BTF3L4: variants seen among roughly 807,000 people sequenced by gnomAD.
BTF3L4 encodes the protein basic transcription factor 3 like 4, also known as transcription factor BTF3 homolog 4.
Under a neutral mutation model 16.8 loss-of-function variants are expected in BTF3L4, and 6 were observed. The observed-to-expected ratio is 0.36, with a 90% CI of 0.20 to 0.71. BTF3L4 has a LOEUF of 0.71. BTF3L4 is among the 30% of genes least tolerant of loss of function. The pLI, the probability that BTF3L4 is intolerant of heterozygous loss-of-function variation, is 0.58. For synonymous variants in BTF3L4, 39 were observed against 59.8 expected (o/e 0.65, Z 1.60); for missense variants, 92 against 186.9 (o/e 0.49, Z 2.96).
chr1:52,059,454 A>G (rs1035266715), intron 1 of BTF3L4, among the ~76,000 whole-genome samples: 1 of 152,218 alleles, frequency 6.6e-6, no homozygotes, highest in African/African-American at 2.4e-5. Context: ...ACATTTGGTA[A>G]CAGCTCTCTG....
At chr1:52,058,202 T>A (rs1334314801) in intron 1 of BTF3L4, among the ~76,000 whole-genome samples, 1 of 152,228 alleles carries the variant, frequency 6.6e-6, no homozygotes, top group East Asian at 1.9e-4. Context: ...TGGCACACAT[T>A]TAAGACTTCT....
rs1279322412 is a variant in BTF3L4, at chr1:52,087,317, G to A, written c.*559G>A. On this transcript the variant is annotated 3_prime_UTR_variant, in exon 6 of 6. Coordinates refer to ENST00000313334, the MANE Select transcript of BTF3L4 (RefSeq NM_152265.5). ...CTTCTCTGGATTTAAAATATCTTGA[G>A]GTATTTTGCCACTGGCTTCATGCTG... is the stretch of plus-strand genomic sequence containing the variant. 1.3e-5 allele frequency: 2 copies of A among 152,322 alleles called. No homozygotes were observed. The highest frequency in any genetic ancestry group is 2.9e-5 in the Non-Finnish European group (2 of 68,030). 9.4% of individuals were successfully genotyped at this position (152,322 alleles called of 1,614,324 possible).
chr1:52,085,355 TTTTG>T lies in BTF3L4; in HGVS notation c.371-745_371-742del, dbSNP rs1391574781. On this transcript the variant is annotated intron_variant, in intron 4 of 5. Coordinates refer to ENST00000313334, the MANE Select transcript of BTF3L4 (RefSeq NM_152265.5). ...GTTGTTGTTGTTGTTGCTTGGTTTT[TTTTG>T]TTTGTTTGTTTTTTTGTTTTGTTTT... is the stretch of plus-strand genomic sequence containing the variant. 4.7e-3 allele frequency among the ~76,000 whole-genome samples: 712 copies of T among 151,316 alleles called. 6 individuals carry two copies. Among genetic ancestry groups the T allele is most frequent in the African/African-American group, 0.016 (641 of 41,168 alleles).
In BTF3L4 at chr1:52,090,299, G is replaced by A. The variant is rs959650730; in HGVS notation, c.*3541G>A. 1.3e-5 allele frequency: 2 copies of A among 152,208 alleles called. No individual in the cohort carries two copies. The highest frequency in any genetic ancestry group is 2.9e-5 in the Non-Finnish European group (2 of 68,028). 9.4% of individuals were successfully genotyped at this position (152,208 alleles called of 1,614,324 possible). A position where few individuals can be genotyped will look rare whatever the true frequency, so the allele number is the denominator to read the frequency against. The stretch of plus-strand genomic sequence containing the variant: ...CCCCTAAATTATTAAGGTGAAGGTA[G>A]AAGATGATTAAAGCGTGTTATCTCC... On this transcript the variant is annotated 3_prime_UTR_variant, in exon 6 of 6. Coordinates refer to ENST00000313334, the MANE Select transcript of BTF3L4 (RefSeq NM_152265.5).
chr1:52,071,557 T>G (rs1328122235), intron 3 of BTF3L4, among the ~76,000 whole-genome samples: 7 of 152,234 alleles, frequency 4.6e-5, no homozygotes, highest in Non-Finnish European at 2.9e-5. Flanking sequence ...CTATTAAATT[T>G]AAGAGGTACT....
chr1:52,079,121 G>A (rs1186489808), intron 3 of BTF3L4, among the ~76,000 whole-genome samples: 1 of 152,130 alleles, frequency 6.6e-6, no homozygotes, highest in African/African-American at 2.4e-5. Flanking sequence ...AACTGGTCTT[G>A]TTCAGCCAAA....
At chr1:52,085,358 T>G (rs1643961984) in intron 4 of BTF3L4, among the ~76,000 whole-genome samples, 1 of 149,640 alleles carries the variant, frequency 6.7e-6, no homozygotes, top group Non-Finnish European at 1.5e-5. Flanking sequence ...TGGTTTTTTT[T>G]GTTTGTTTGT....
At chr1:52,081,123 C>T (rs1248652183) in intron 3 of BTF3L4, among the ~76,000 whole-genome samples, 1 of 152,080 alleles carries the variant, frequency 6.6e-6, no homozygotes. Flanking sequence ...CAGGCCTGAG[C>T]CACCGCGCCT....
At chr1:52,062,489 C>T (rs758151382) in intron 2 of BTF3L4, among the ~76,000 whole-genome samples, 8 of 152,092 alleles carry the variant, frequency 5.3e-5, no homozygotes, top group Non-Finnish European at 2.9e-5. Flanking sequence ...TGTGAGCCAC[C>T]GCGCTCGGCC....
intron 3 of BTF3L4, among the ~76,000 whole-genome samples, chr1:52,071,879 T>G (rs1487151736): frequency 6.6e-6 from 1 of 151,348 alleles, no homozygotes; most frequent in East Asian, 1.9e-4. Context: ...CATAGCATCC[T>G]TCTTTCTCTC....
At chr1:52,084,406 T>C (rs1643951188) in intron 4 of BTF3L4, among the ~76,000 whole-genome samples, 1 of 150,444 alleles carries the variant, frequency 6.6e-6, no homozygotes, top group African/African-American at 2.4e-5. Flanking sequence ...CGCCTCCCAA[T>C]GTGCTAGGAT....
At chr1:52,079,486 A>G (rs1252995838) in intron 3 of BTF3L4, among the ~76,000 whole-genome samples, 1 of 151,950 alleles carries the variant, frequency 6.6e-6, no homozygotes, top group African/African-American at 2.4e-5. Context: ...GGACCTTTCT[A>G]TTCCTGAAGC....
intron 3 of BTF3L4, among the ~76,000 whole-genome samples, chr1:52,076,145 G>A (rs894113031): frequency 2.6e-5 from 4 of 152,104 alleles, no homozygotes; most frequent in Admixed American, 6.6e-5. Flanking sequence ...TAGTGGTGGC[G>A]TATGCCTGTA....
chr1:52,065,020 C>A, intron 3 of BTF3L4, 82 bp downstream of exon 3: 2 of 708,040 alleles, frequency 2.8e-6, no homozygotes, highest in Admixed American at 3.4e-5. Flanking sequence ...AAAATATCAG[C>A]TTAGAAAAAT....
chr1:52,079,813 A>G (rs898304829), intron 3 of BTF3L4, among the ~76,000 whole-genome samples: 3 of 151,302 alleles, frequency 2.0e-5, no homozygotes, highest in Non-Finnish European at 4.4e-5. Context: ...ATATCCTGAA[A>G]TAAATCATTC....
chr1:52,078,975 A>G (rs1273401779), intron 3 of BTF3L4, among the ~76,000 whole-genome samples: 2 of 152,186 alleles, frequency 1.3e-5, no homozygotes, highest in African/African-American at 4.8e-5. Context: ...TACATATATT[A>G]TATGGCTTAC....
At chr1:52,072,180 G>T (rs1472286244) in intron 3 of BTF3L4, among the ~76,000 whole-genome samples, 2 of 151,470 alleles carry the variant, frequency 1.3e-5, no homozygotes, top group Non-Finnish European at 2.9e-5. Flanking sequence ...TCAGCCTCCC[G>T]AGTAGCTGGG....
intron 3 of BTF3L4, chr1:52,065,297 ACT>A (rs1309605786): frequency 2.0e-5 from 3 of 148,418 alleles, no homozygotes; most frequent in African/African-American, 7.9e-5. Context: ...ATGGAGTCTC[ACT>A]CTGTCACCCT....
chr1:52,083,619 TA>T, intron 4 of BTF3L4, 78 bp downstream of exon 4: 5 of 1,127,242 alleles, frequency 4.4e-6, no homozygotes, highest in Non-Finnish European at 6.5e-6. Context: ...TGTCCCATCT[TA>T]ATTTGGATTT....
Sources: gnomAD v4.1 joint callset for allele counts (sites outside exome capture counted in the v4.1 genomes callset) on GRCh38, gnomAD v4.1.1 for gene constraint, MANE v1.5 for transcripts, NCBI Gene and HGNC (gene_info 2026-07-23, HGNC 2026-07-21) for gene names.